Variants in SLC2A14 observed in about 807,000 individuals in gnomAD.
SLC2A14 encodes the protein solute carrier family 2 member 14.
Under a neutral mutation model 43.0 loss-of-function variants are expected in SLC2A14, and 13 were observed. The ratio of observed to expected loss-of-function variants is 0.30; its 90% CI spans 0.20 to 0.48. The LOEUF (loss-of-function observed/expected upper bound fraction) is 0.48. SLC2A14 is among the 20% of genes least tolerant of loss of function. SLC2A14 has a pLI of 0.99. For missense variants in SLC2A14, 428 were observed against 620.4 expected (o/e 0.69, Z 3.29); for synonymous variants, 190 against 233.8 (o/e 0.81, Z 1.71).
At chr12:7,866,706 G>A (rs987395827) in intron 2 of SLC2A14, among the ~76,000 whole-genome samples, 1 of 152,272 alleles carries the variant, frequency 6.6e-6, no homozygotes, top group South Asian at 2.1e-4. Context: ...AGGTGAGGAA[G>A]CTGTAGAAGA....
At chr12:7,826,854 C>CTTT (rs1293572702) in intron 7 of SLC2A14, among the ~76,000 whole-genome samples, 19 of 8,220 alleles carry the variant, frequency 2.3e-3, no homozygotes, top group South Asian at 0.012. Context: ...TCCTTCCTTC[C>CTTT]TTTCTTTTTT....
rs542255933 is a variant in SLC2A14, at chr12:7,848,807, C to A, written c.19-15993G>T. Among the ~76,000 whole-genome samples the A allele has an allele frequency of 2.0e-3, 303 of 151,404 alleles. 2 individuals are homozygous for A. The highest frequency in any genetic ancestry group is 7.0e-3 in the African/African-American group (288 of 41,272). On this transcript the variant is annotated intron_variant, in intron 2 of 10. Coordinates refer to ENST00000431042, the MANE Select transcript of SLC2A14 (RefSeq NM_001286234.2). ...CTGACCTCAGGTGATCCACCCGCTT[C>A]GACCTCCCAAAGTGCTGGGATTACA...
chr12:7,854,211 T>C (rs1867167207), intron 2 of SLC2A14, among the ~76,000 whole-genome samples: 1 of 152,148 alleles, frequency 6.6e-6, no homozygotes, highest in African/African-American at 2.4e-5. Context: ...CCCAAATCTT[T>C]TCCTTCTCTA....
upstream of SLC2A14, among the ~76,000 whole-genome samples, chr12:7,874,815 T>TATAAAAA (rs1945399508): frequency 3.7e-5 from 3 of 80,896 alleles, no homozygotes; most frequent in East Asian, 5.1e-4. Context: ...TAAATACGTA[T>TATAAAAA]TTATATATAA....
chr12:7,827,888 C>T (rs1864633469), intron 6 of SLC2A14, among the ~76,000 whole-genome samples: 1 of 152,068 alleles, frequency 6.6e-6, no homozygotes, highest in Admixed American at 6.6e-5. Context: ...TGCCTGTAAT[C>T]CCAGCATTTT....
intron 2 of SLC2A14, among the ~76,000 whole-genome samples, chr12:7,834,163 CTCA>C (rs1306010164): frequency 6.6e-6 from 1 of 151,934 alleles, no homozygotes; most frequent in Non-Finnish European, 1.5e-5. Flanking sequence ...TCTTTCTCCT[CTCA>C]TCATTCACTA....
At chr12:7,830,764 G>C (rs904625041) in intron 4 of SLC2A14, among the ~76,000 whole-genome samples, 13 of 152,136 alleles carry the variant, frequency 8.5e-5, no homozygotes, top group Admixed American at 6.6e-4. Context: ...CAGTTCCTTT[G>C]TCAGTCATAA....
chr12:7,882,557 C>A (rs751069859), intron 1 of SLC2A14, among the ~76,000 whole-genome samples: 11 of 152,108 alleles, frequency 7.2e-5, no homozygotes, highest in African/African-American at 2.4e-4. Flanking sequence ...AGGCTAGCGT[C>A]GGCAGTGGCT....
chr12:7,833,795 A>AAAAAG (rs1555126643), intron 2 of SLC2A14, among the ~76,000 whole-genome samples: 2 of 145,382 alleles, frequency 1.4e-5, no homozygotes. Flanking sequence ...AAAAAAAAAA[A>AAAAAG]AGAGAGAGAG....
chr12:7,866,537 A>G (rs1003089839), intron 2 of SLC2A14, among the ~76,000 whole-genome samples: 2 of 151,736 alleles, frequency 1.3e-5, no homozygotes, highest in African/African-American at 4.8e-5. Flanking sequence ...GCTAATTTTT[A>G]TATTTTTTAG....
intron 1 of SLC2A14, among the ~76,000 whole-genome samples, chr12:7,886,891 T>C (rs1019955451): frequency 2.0e-5 from 3 of 151,708 alleles, no homozygotes; most frequent in Admixed American, 6.6e-5. Flanking sequence ...GCCCATTCCT[T>C]CATCAACAAA....
At chr12:7,844,964 T>A (rs1043138631) in intron 2 of SLC2A14, among the ~76,000 whole-genome samples, 2 of 152,164 alleles carry the variant, frequency 1.3e-5, no homozygotes, top group African/African-American at 4.8e-5. Context: ...GTAAGTAAAG[T>A]AGTTAACATT....
intron 10 of SLC2A14, among the ~76,000 whole-genome samples, chr12:7,815,089 C>T (rs1863316343): frequency 6.6e-6 from 1 of 151,592 alleles, no homozygotes; most frequent in African/African-American, 2.4e-5. Context: ...TGAGCCACTG[C>T]ACCTGGCCTT....
intron 2 of SLC2A14, among the ~76,000 whole-genome samples, chr12:7,854,653 G>T (rs1867208659): frequency 6.6e-6 from 1 of 151,686 alleles, no homozygotes; most frequent in Non-Finnish European, 1.5e-5. Context: ...GAGTAGCTGG[G>T]ATTACAGGCA....
intron 3 of SLC2A14, among the ~76,000 whole-genome samples, chr12:7,832,126 A>C (rs1865092727): frequency 6.6e-6 from 1 of 152,216 alleles, no homozygotes; most frequent in Admixed American, 6.5e-5. Flanking sequence ...CAAACAAACA[A>C]AACAAATATT....
chr12:7,853,602 G>A (rs1265243404), intron 2 of SLC2A14, among the ~76,000 whole-genome samples: 2 of 151,922 alleles, frequency 1.3e-5, no homozygotes, highest in Admixed American at 6.6e-5. Context: ...GCTGTCTCAA[G>A]AAAAGAAAAA....
intron 10 of SLC2A14, among the ~76,000 whole-genome samples, chr12:7,815,351 G>A (rs1863343202): frequency 6.6e-6 from 1 of 152,042 alleles, no homozygotes; most frequent in African/African-American, 2.4e-5. Context: ...AGGAGGCAGA[G>A]GTTGCAGTGA....
chr12:7,814,136 A>G lies in SLC2A14; in HGVS notation c.*180T>C. The G allele has an allele frequency of 9.2e-7, 1 of 1,087,368 alleles. No homozygotes were observed. Among genetic ancestry groups the G allele is most frequent in the Non-Finnish European group, 1.3e-6 (1 of 770,748 alleles). The allele number at this position is 1,087,368 out of a possible 1,614,324, so 67.4% of individuals were successfully genotyped here. ...AGAGGATGTCCAGGAAATAAAATTT[A>G]AAAAGCCATTGAAGATCCAACAAAC... On this transcript the variant is annotated 3_prime_UTR_variant, in exon 11 of 11. Transcript: ENST00000431042.
chr12:7,880,261 T>C (rs2121104038), intron 1 of SLC2A14, among the ~76,000 whole-genome samples: 1 of 151,142 alleles, frequency 6.6e-6, no homozygotes, highest in East Asian at 1.9e-4. Flanking sequence ...GATCGCGCCA[T>C]TGCACCCTAG....
Sources: allele counts gnomAD v4.1 joint callset (sites outside exome capture counted in the v4.1 genomes callset), GRCh38; gene constraint gnomAD v4.1.1; transcripts MANE v1.5; gene names NCBI Gene and HGNC (gene_info 2026-07-23, HGNC 2026-07-21).